Variants in JMJD1C observed in about 807,000 individuals in gnomAD.
JMJD1C encodes jumonji domain containing 1C.
Under a neutral mutation model 245.3 loss-of-function variants are expected in JMJD1C, and 31 were observed. That is an observed-to-expected ratio of 0.13 (90% CI 0.09 to 0.17). The LOEUF (loss-of-function observed/expected upper bound fraction) is 0.17. Ranked by LOEUF, JMJD1C falls within the 10% of genes least tolerant of loss-of-function variation. The pLI, the probability that JMJD1C is intolerant of heterozygous loss-of-function variation, is 1.00. For missense variants in JMJD1C, 2,691 were observed against 3,000.2 expected (o/e 0.90, Z 2.41); for synonymous variants, 1,057 against 1,017.4 (o/e 1.04, Z -0.74).
intron 1 of JMJD1C, among the ~76,000 whole-genome samples, chr10:63,444,758 T>C (rs1272244055): frequency 6.6e-6 from 1 of 152,048 alleles, no homozygotes; most frequent in Non-Finnish European, 1.5e-5. Flanking sequence ...CCTGAGAAGC[T>C]GGCATTACAG....
chr10:63,421,995 T>C (rs1950153768), intron 1 of JMJD1C, among the ~76,000 whole-genome samples: 1 of 152,176 alleles, frequency 6.6e-6, no homozygotes, highest in African/African-American at 2.4e-5. Flanking sequence ...ACTAATACAG[T>C]CCCGTTTCAC....
intron 3 of JMJD1C, among the ~76,000 whole-genome samples, chr10:63,261,865 C>T (rs1000981375): frequency 2.0e-5 from 3 of 152,144 alleles, no homozygotes; most frequent in African/African-American, 7.2e-5. Context: ...GGAATTCCCA[C>T]TGAAAACATT....
At position 63,246,928 on chromosome 10, in the gene JMJD1C, T is replaced by C. The variant is rs186990466; in HGVS notation, c.447+17723A>G. Among the ~76,000 whole-genome samples the C allele has an allele frequency of 3.3e-5, 5 of 151,884 alleles. No individual in the cohort carries two copies. In the East Asian group the frequency reaches 5.8e-4, roughly 18 times the overall value. On this transcript the variant is annotated intron_variant, in intron 3 of 25. Transcript: ENST00000399262. The stretch of plus-strand genomic sequence containing the variant: ...AAACCAAACACAAAATCTACGGGAT[T>C]TGGCAAAAGCGATACTAAGAGGAAA...
At chr10:63,392,035 G>A (rs940700090) in intron 1 of JMJD1C, among the ~76,000 whole-genome samples, 2 of 152,068 alleles carry the variant, frequency 1.3e-5, no homozygotes, top group South Asian at 2.1e-4. Flanking sequence ...TTTCACTGTC[G>A]CAATTTCCTC....
intron 2 of JMJD1C, among the ~76,000 whole-genome samples, chr10:63,298,412 G>A (rs926433598): frequency 2.6e-5 from 4 of 152,134 alleles, no homozygotes; most frequent in African/African-American, 9.7e-5. Flanking sequence ...GCTTCTGGTG[G>A]TCTGCTGGCA....
chr10:63,367,072 T>C (rs6479896), intron 2 of JMJD1C, among the ~76,000 whole-genome samples: 64,692 of 151,936 alleles, frequency 0.43, 14,400 homozygotes, highest in South Asian at 0.53. Flanking sequence ...CAGCTGGGTG[T>C]AAATCTTTAA....
At chr10:63,349,221 A>G (rs1944127285) in intron 2 of JMJD1C, among the ~76,000 whole-genome samples, 1 of 151,612 alleles carries the variant, frequency 6.6e-6, no homozygotes, top group Non-Finnish European at 1.5e-5. Flanking sequence ...TGTTGGCATC[A>G]TGCTTCTTCT....
chr10:63,210,529 C>T (rs1847195515), intron 8 of JMJD1C, among the ~76,000 whole-genome samples: 1 of 152,122 alleles, frequency 6.6e-6, no homozygotes, highest in Admixed American at 6.6e-5. Flanking sequence ...GTGACACATA[C>T]TGAGTATTGC....
intron 1 of JMJD1C, among the ~76,000 whole-genome samples, chr10:63,446,959 C>T (rs1951753383): frequency 6.6e-6 from 1 of 151,786 alleles, no homozygotes; most frequent in Non-Finnish European, 1.5e-5. Flanking sequence ...TCTCTGGAAT[C>T]ACCAGGAATT....
chr10:63,290,237 AT>A (rs1263391603), intron 2 of JMJD1C, among the ~76,000 whole-genome samples: 1 of 152,206 alleles, frequency 6.6e-6, no homozygotes, highest in Non-Finnish European at 1.5e-5. Context: ...GGAACTCTGT[AT>A]ATTTCCGAAA....
chr10:63,429,957 C>G (rs1950651810), intron 1 of JMJD1C, among the ~76,000 whole-genome samples: 1 of 152,146 alleles, frequency 6.6e-6, no homozygotes, highest in Non-Finnish European at 1.5e-5. Context: ...AAGCTCTTAT[C>G]TAAGGACTAA....
At chr10:63,505,271 C>G (rs367620177) in intron 1 of JMJD1C, among the ~76,000 whole-genome samples, 10 of 149,382 alleles carry the variant, frequency 6.7e-5, no homozygotes, top group East Asian at 5.9e-4. Context: ...GAGCCGAGAT[C>G]GCGCCACTGC....
chr10:63,476,118 G>A (rs987948635), intron 1 of JMJD1C, among the ~76,000 whole-genome samples: 4 of 151,936 alleles, frequency 2.6e-5, no homozygotes, highest in African/African-American at 9.7e-5. Flanking sequence ...GCTGAGGCAG[G>A]AGAATTCCTT....
rs10565835 is a variant in JMJD1C at position 63,346,152 on chromosome 10, CCTAA to C, written c.333+34162_333+34165del. On this transcript the variant is annotated intron_variant, in intron 2 of 25. Transcript: ENST00000399262. ...TGAACTCCTGGCCTCAAGAGATTCT[CCTAA>C]CTTAGTCACCCAAGTAGCTGGGACT... Among the ~76,000 whole-genome samples, 1,394 of 152,288 alleles carry C rather than the reference CCTAA, an allele frequency of 9.2e-3. 17 individuals are homozygous for C. Among genetic ancestry groups the C allele is most frequent in the African/African-American group, 0.031 (1,275 of 41,546 alleles).
chr10:63,239,189 G>C (rs551178610), intron 3 of JMJD1C, among the ~76,000 whole-genome samples: 1 of 152,260 alleles, frequency 6.6e-6, no homozygotes, highest in South Asian at 2.1e-4. Flanking sequence ...AAATTCATAC[G>C]CAAGAATAGA....
At chr10:63,483,312 A>AT (rs1953884890) in intron 1 of JMJD1C, among the ~76,000 whole-genome samples, 4 of 152,262 alleles carry the variant, frequency 2.6e-5, no homozygotes. Context: ...AAAACATACC[A>AT]TAACATTAGT....
At chr10:63,360,708 C>A (rs7097339) in intron 2 of JMJD1C, among the ~76,000 whole-genome samples, 3,254 of 152,194 alleles carry the variant, frequency 0.021, 114 homozygotes, top group African/African-American at 0.073. Context: ...AAAAAAATTA[C>A]TGTTAATAAA....
chr10:63,261,032 A>C (rs985703994), intron 3 of JMJD1C, among the ~76,000 whole-genome samples: 2 of 152,132 alleles, frequency 1.3e-5, no homozygotes, highest in Non-Finnish European at 2.9e-5. Context: ...TACTTCAAAG[A>C]ATGTTAAGTG....
chr10:63,462,479 G>GTAACTGTTA, intron 1 of JMJD1C, among the ~76,000 whole-genome samples: 1 of 152,318 alleles, frequency 6.6e-6, no homozygotes, highest in East Asian at 1.9e-4. Flanking sequence ...CCAGGAACCT[G>GTAACTGTTA]TAACTGTTAC....
Sources: gnomAD v4.1 joint callset for allele counts (sites outside exome capture counted in the v4.1 genomes callset) on GRCh38, gnomAD v4.1.1 for gene constraint, MANE v1.5 for transcripts, NCBI Gene and HGNC (gene_info 2026-07-23, HGNC 2026-07-21) for gene names.